Variants in RPIA observed in about 807,000 individuals in gnomAD.
RPIA encodes the protein ribose 5-phosphate isomerase A, also known as ribose-5-phosphate isomerase.
In RPIA, 29 loss-of-function variants were observed where a neutral mutation model predicts 37.8. That is an observed-to-expected ratio of 0.77 (90% CI 0.57 to 1.05). The LOEUF (loss-of-function observed/expected upper bound fraction) is 1.05, where lower values mean the gene tolerates loss of function less well. RPIA is among the 50% of genes least tolerant of loss of function. RPIA has a pLI of 0.00. For synonymous variants in RPIA, 167 were observed against 157.0 expected (o/e 1.06, Z -0.48); for missense variants, 385 against 413.6 (o/e 0.93, Z 0.60).
intron 3 of RPIA, among the ~76,000 whole-genome samples, chr2:88,721,790 T>C (rs1244742265): frequency 1.3e-5 from 2 of 150,476 alleles, no homozygotes; most frequent in Non-Finnish European, 3.0e-5. Context: ...TTTAAATACA[T>C]ATATTTATTT....
chr2:88,715,844 T>C (rs1673028265), intron 3 of RPIA, among the ~76,000 whole-genome samples: 1 of 152,182 alleles, frequency 6.6e-6, no homozygotes, highest in Admixed American at 6.5e-5. Context: ...AAAAATCCTT[T>C]ATTGTAGTTT....
intron 3 of RPIA, among the ~76,000 whole-genome samples, chr2:88,714,869 G>T (rs1673012520): frequency 6.6e-6 from 1 of 152,172 alleles, no homozygotes; most frequent in Non-Finnish European, 1.5e-5. Flanking sequence ...TCACTGATAG[G>T]GTACCCTTGT....
chr2:88,723,141 CA>C lies in RPIA; in HGVS notation c.403-6131del, dbSNP rs549330389. On this transcript the variant is annotated intron_variant, in intron 3 of 8. Coordinates refer to ENST00000283646, the MANE Select transcript of RPIA (RefSeq NM_144563.3). ...GTCAAATCTGTTGGGAGAAAGACTG[CA>C]AAAAACAACAACAATAAAAACCCTA... Among the ~76,000 whole-genome samples the C allele has an allele frequency of 4.3e-4, 65 of 151,940 alleles. No homozygotes were observed. In the South Asian group the frequency reaches 0.013, roughly 32 times the overall value.
chr2:88,723,059 G>T (rs566685016), intron 3 of RPIA, among the ~76,000 whole-genome samples: 17 of 152,240 alleles, frequency 1.1e-4, no homozygotes, highest in Admixed American at 6.5e-4. Flanking sequence ...ATTAGAAAGG[G>T]TTTGTTACCC....
At chr2:88,704,333 G>T (rs1200443321) in intron 3 of RPIA, among the ~76,000 whole-genome samples, 1 of 152,180 alleles carries the variant, frequency 6.6e-6, no homozygotes, top group African/African-American at 2.4e-5. Flanking sequence ...GGTTTAATTG[G>T]ACTTGCAGTT....
In RPIA at chr2:88,747,498, T is replaced by C. The variant is rs563120662; in HGVS notation, c.839-2483T>C. Among the ~76,000 whole-genome samples the C allele has an allele frequency of 7.9e-5, 12 of 152,304 alleles. No homozygotes were observed. In the South Asian group the frequency reaches 2.5e-3, roughly 32 times the overall value. On this transcript the variant is annotated intron_variant, in intron 8 of 8. Transcript: ENST00000283646. ...AAAATTTGTGCTCAGTTGAAATTAT[T>C]ACGAAGTTCAGCTAGAAGCTTCCTT... is the stretch of plus-strand genomic sequence containing the variant.
chr2:88,700,133 C>T, intron 3 of RPIA, 69 bp downstream of exon 3: 1 of 1,463,544 alleles, frequency 6.8e-7, no homozygotes. Flanking sequence ...GGGTTGTGGA[C>T]CTATGGCCTT....
chr2:88,712,869 T>A (rs1672976193), intron 3 of RPIA, among the ~76,000 whole-genome samples: 1 of 151,866 alleles, frequency 6.6e-6, no homozygotes, highest in South Asian at 2.1e-4. Context: ...CTTCTTCTTC[T>A]TCTTCTTTTC....
chr2:88,735,586 G>A (rs188027084), intron 5 of RPIA, 83 bp from the exon 6 acceptor site: 93 of 1,221,580 alleles, frequency 7.6e-5, no homozygotes, highest in Non-Finnish European at 1.8e-5. Context: ...GGATTGAGTG[G>A]ATTTGGGATT....
intron 8 of RPIA, among the ~76,000 whole-genome samples, chr2:88,738,874 G>C (rs533598786): frequency 6.6e-6 from 1 of 152,186 alleles, no homozygotes. Flanking sequence ...ACCAAGATGG[G>C]CACCCTAAGT....
intron 8 of RPIA, among the ~76,000 whole-genome samples, chr2:88,746,972 G>A (rs1573481435): frequency 6.6e-6 from 1 of 152,278 alleles, no homozygotes; most frequent in East Asian, 1.9e-4. Flanking sequence ...GCCAGGATAA[G>A]TATTTTGGTT....
intron 3 of RPIA, among the ~76,000 whole-genome samples, chr2:88,716,386 GTC>G (rs1673037356): frequency 6.6e-6 from 1 of 152,124 alleles, no homozygotes; most frequent in African/African-American, 2.4e-5. Flanking sequence ...GACCTCCTGA[GTC>G]TCTGTCACAG....
chr2:88,714,868 G>A (rs1673012493), intron 3 of RPIA, among the ~76,000 whole-genome samples: 1 of 152,194 alleles, frequency 6.6e-6, no homozygotes. Context: ...CTCACTGATA[G>A]GGTACCCTTG....
rs554374026 is a variant in RPIA at position 88,698,520 on chromosome 2, A to G, written c.322A>G (p.Ile108Val). 245 of 1,614,178 alleles carry G rather than the reference A, an allele frequency of 1.5e-4. 2 individuals carry two copies. The South Asian group carries it at 2.0e-3, about 13-fold the overall frequency. ...GCTGGGAATTGGAAGTGGTTCTACA[A>G]TTGTCCATGCTGTGCAGCGAATAGG... ...QVLGIGSGST[I>V]VHAVQRIAER... The change falls in exon 2 of 9, where the codon ATT becomes GTT. Residue 108 changes from isoleucine (I) to valine (V), a missense_variant. Around this residue, in one of 2 missense-constraint regions of RPIA, gnomAD observed 232 missense variants for 203.0 expected, o/e 1.14. Coordinates refer to ENST00000283646, the MANE Select transcript of RPIA (RefSeq NM_144563.3).
chr2:88,735,739 T>A lies in RPIA; in HGVS notation c.596+2T>A. 6.2e-7 allele frequency: 1 copy of A among 1,613,890 alleles called. No homozygotes were observed. Among genetic ancestry groups the A allele is most frequent in the Non-Finnish European group, 8.5e-7 (1 of 1,179,800 alleles). ...CTTCATCGTGATCGCTGATTTCAGG[T>A]ACAGTTTCTGGTGTCTGAGCTGCCA... On this transcript the variant is annotated splice_donor_variant, in intron 6 of 8. Coordinates refer to ENST00000283646, the MANE Select transcript of RPIA (RefSeq NM_144563.3). LOFTEE classifies it high-confidence loss of function.
At chr2:88,725,730 C>T (rs551630210) in intron 3 of RPIA, among the ~76,000 whole-genome samples, 22 of 152,254 alleles carry the variant, frequency 1.4e-4, no homozygotes, top group African/African-American at 5.3e-4. Context: ...TCCAATAGAT[C>T]TTTTTTGTGG....
chr2:88,742,856 G>A (rs915942357), intron 8 of RPIA, among the ~76,000 whole-genome samples: 2 of 152,126 alleles, frequency 1.3e-5, no homozygotes, highest in African/African-American at 4.8e-5. Flanking sequence ...GTTGCTGTTG[G>A]TGTATAGCAG....
At chr2:88,699,226 T>A (rs957049864) in intron 2 of RPIA, among the ~76,000 whole-genome samples, 2 of 152,226 alleles carry the variant, frequency 1.3e-5, no homozygotes, top group Non-Finnish European at 2.9e-5. Flanking sequence ...GCCTTCTCAC[T>A]GGCCAAATAG....
intron 3 of RPIA, among the ~76,000 whole-genome samples, chr2:88,713,643 C>A (rs1345652982): frequency 6.6e-6 from 1 of 152,182 alleles, no homozygotes; most frequent in Non-Finnish European, 1.5e-5. Flanking sequence ...TGCGTATTCA[C>A]ACTCTGCAAT....
Sources: gnomAD v4.1 joint callset for allele counts (sites outside exome capture counted in the v4.1 genomes callset) on GRCh38, gnomAD v4.1.1 for gene constraint, gnomAD v4.1.1 regional missense constraint, MANE v1.5 for transcripts, NCBI Gene and HGNC (gene_info 2026-07-23, HGNC 2026-07-21) for gene names.